Variants in NADSYN1 observed in about 807,000 individuals in gnomAD.
NADSYN1 encodes glutamine-dependent NAD(+) synthetase.
NADSYN1 carries 80 observed loss-of-function variants against 99.3 expected under a neutral mutation model. The ratio of observed to expected loss-of-function variants is 0.81; its 90% confidence interval spans 0.67 to 0.97. The LOEUF is 0.97. NADSYN1 is among the 50% of genes least tolerant of loss of function. The pLI is 0.00. For missense variants in NADSYN1, 859 were observed against 948.5 expected (o/e 0.91, Z 1.24); for synonymous variants, 385 against 372.1 (o/e 1.03, Z -0.40).
intron 9 of NADSYN1, among the ~76,000 whole-genome samples, chr11:71,477,917 C>T (rs188629750): frequency 6.6e-6 from 1 of 152,370 alleles, no homozygotes; most frequent in Non-Finnish European, 1.5e-5. Flanking sequence ...CTTCACACAG[C>T]CACATGCAGA....
intron 8 of NADSYN1, 30 bp downstream of exon 8, chr11:71,473,716 C>T (rs532765365): frequency 1.3e-6 from 2 of 1,486,110 alleles, no homozygotes; most frequent in African/African-American, 1.4e-5. Context: ...GCGTGCGCCA[C>T]AGGGCAGACA....
At chr11:71,475,954 T>C in intron 9 of NADSYN1, 1 of 450,634 alleles carries the variant, frequency 2.2e-6, no homozygotes, top group Admixed American at 2.4e-5. Flanking sequence ...GCTCAGGCAA[T>C]CCACGCACCT....
chr11:71,486,074 C>T (rs1222599614), intron 16 of NADSYN1, among the ~76,000 whole-genome samples: 1 of 152,160 alleles, frequency 6.6e-6, no homozygotes, highest in East Asian at 1.9e-4. Context: ...AAACTCAGAG[C>T]CTCCCTGTTG....
chr11:71,481,868 T>C (rs1239967050), intron 12 of NADSYN1, 55 bp from the exon 13 acceptor site: 2 of 1,515,826 alleles, frequency 1.3e-6, no homozygotes, highest in Non-Finnish European at 1.8e-6. Context: ...GGCTGATCCA[T>C]GGGCATGCTG....
At chr11:71,470,655 A>G (rs117686488) in intron 5 of NADSYN1, among the ~76,000 whole-genome samples, 96 of 152,340 alleles carry the variant, frequency 6.3e-4, no homozygotes, top group Non-Finnish European at 1.2e-3. Flanking sequence ...CCTGAGGTTC[A>G]GTAGCTCCAG....
At chr11:71,466,976 G>C (rs928715073) in intron 5 of NADSYN1, among the ~76,000 whole-genome samples, 2 of 152,136 alleles carry the variant, frequency 1.3e-5, no homozygotes, top group East Asian at 1.9e-4. Context: ...CTGGAGGTGG[G>C]GGGGTGGGCA....
intron 13 of NADSYN1, among the ~76,000 whole-genome samples, chr11:71,482,290 G>C (rs572341455): frequency 6.6e-6 from 1 of 152,222 alleles, no homozygotes; most frequent in South Asian, 2.1e-4. Flanking sequence ...GGTGTGGCCT[G>C]GTGGGGAGAA....
chr11:71,477,179 G>C, intron 9 of NADSYN1: 2 of 1,174,100 alleles, frequency 1.7e-6, no homozygotes, highest in Non-Finnish European at 2.1e-6. Flanking sequence ...TAATCCCCTG[G>C]GCTTTCCGGC....
chr11:71,464,009 A>G lies in NADSYN1; in HGVS notation c.318-44A>G, dbSNP rs1361875744. On this transcript the variant is annotated intron_variant, in intron 4 of 20. Transcript: ENST00000319023. ...ACTGACCACCGCCAGTGGCACGTTCATCTCAGGAGCCCGGTGTGCACAGCC... is the reference window on the plus strand; with the variant it reads ...ACTGACCACCGCCAGTGGCACGTTCGTCTCAGGAGCCCGGTGTGCACAGCC... The G allele has an allele frequency of 2.0e-6, 3 of 1,508,630 alleles. No homozygotes were observed. In the Admixed American group the frequency reaches 5.4e-5, roughly 27 times the overall value. The allele number at this position is 1,508,630 out of a possible 1,614,324, so 93.5% of individuals were successfully genotyped here. A position where few individuals can be genotyped will look rare whatever the true frequency, so the allele number is the denominator to read the frequency against.
intron 9 of NADSYN1, among the ~76,000 whole-genome samples, chr11:71,477,605 A>C (rs1006728554): frequency 6.6e-6 from 1 of 152,242 alleles, no homozygotes; most frequent in African/African-American, 2.4e-5. Context: ...TCATGAAGGA[A>C]TAACCCCTAT....
intron 3 of NADSYN1, among the ~76,000 whole-genome samples, chr11:71,461,555 A>C (rs1055846971): frequency 2.0e-5 from 3 of 152,046 alleles, no homozygotes; most frequent in Non-Finnish European, 4.4e-5. Context: ...CAGCCTCCCA[A>C]GTAGCTGGGA....
Position 71,482,893 on chromosome 11 carries a change from A to G in NADSYN1, c.1195A>G (p.Ser399Gly). The G allele has an allele frequency of 6.2e-6, 10 of 1,613,148 alleles. No homozygotes were observed. Among genetic ancestry groups the G allele is most frequent in the Non-Finnish European group, 7.6e-6 (9 of 1,179,584 alleles). The change falls in exon 14 of 21, where the codon AGC becomes GGC. Residue 399 changes from serine to glycine, a missense_variant. Transcript: ENST00000319023. ...TGTCCGCACCATCGTGAACCAGATC[A>G]GCTACACCCCCCAGGATCCCCGAGA... ...ADVRTIVNQI[S>G]YTPQDPRDLC...
intron 3 of NADSYN1, among the ~76,000 whole-genome samples, chr11:71,460,526 T>C (rs1466925489): frequency 6.6e-6 from 1 of 152,198 alleles, no homozygotes; most frequent in East Asian, 1.9e-4. Context: ...AATTTTATTT[T>C]TTATTTTTCA....
chr11:71,472,393 A>G (rs377037098), intron 5 of NADSYN1, 56 bp from the exon 6 acceptor site: 461 of 1,419,452 alleles, frequency 3.2e-4, no homozygotes, highest in Non-Finnish European at 3.4e-4. Flanking sequence ...TGTAGCCGCC[A>G]TTCCTCATTT....
At chr11:71,484,838 T>G (rs1401114215) in intron 15 of NADSYN1, 2 of 212,022 alleles carry the variant, frequency 9.4e-6, no homozygotes, top group Non-Finnish European at 1.9e-5. Flanking sequence ...TGTGAATGTA[T>G]GCACAAGTGT....
chr11:71,490,735 G>A, intron 16 of NADSYN1, 110 bp from the exon 17 acceptor site: 2 of 1,473,604 alleles, frequency 1.4e-6, no homozygotes, highest in Non-Finnish European at 1.8e-6. Flanking sequence ...GCTTGAATAT[G>A]CCACACTTCT....
At chr11:71,492,027 G>A (rs1198065677) in intron 18 of NADSYN1, 124 bp downstream of exon 18, 2 of 857,712 alleles carry the variant, frequency 2.3e-6, no homozygotes, top group Non-Finnish European at 3.6e-6. Context: ...TGGGTCCCTG[G>A]CCTGGGTGCC....
At chr11:71,489,243 G>T (rs950239676) in intron 16 of NADSYN1, among the ~76,000 whole-genome samples, 3 of 152,118 alleles carry the variant, frequency 2.0e-5, no homozygotes, top group African/African-American at 7.2e-5. Context: ...GCTGGAACTC[G>T]GTGGTCCTGT....
rs199672894 is a variant in NADSYN1, at chr11:71,474,444, G to T, written c.716G>T (p.Arg239Leu). The change falls in exon 9 of 21, where the codon CGC becomes CTC. Residue 239 changes from arginine (R) to leucine (L), a missense_variant. By Grantham distance (102) the Arg-to-Leu change is moderately radical. Coordinates refer to ENST00000319023, the MANE Select transcript of NADSYN1 (RefSeq NM_018161.5). ...LANQKGCDGD[R>L]LYYDGCAMIA... ...AACCAGAAGGGTTGTGACGGGGACC[G>T]CCTGTACTACGACGGCTGTGCCATG... is the stretch of plus-strand genomic sequence containing the variant. The T allele has an allele frequency of 6.2e-7, 1 of 1,614,200 alleles. No homozygotes were observed. The highest frequency in any genetic ancestry group is 2.2e-5 in the East Asian group (1 of 44,876).
Sources: allele counts gnomAD v4.1 joint callset (sites outside exome capture counted in the v4.1 genomes callset), GRCh38; gene constraint gnomAD v4.1.1; transcripts MANE v1.5; gene names NCBI Gene and HGNC (gene_info 2026-07-23, HGNC 2026-07-21).